FRMD5: variants seen among roughly 807,000 people sequenced by gnomAD.
FRMD5 encodes FERM domain containing 5.
A neutral mutation model predicts 69.0 loss-of-function variants in FRMD5; 20 were observed. That is an observed-to-expected ratio of 0.29 (90% CI 0.20 to 0.42). The LOEUF (loss-of-function observed/expected upper bound fraction) is 0.42, where lower values mean the gene tolerates loss of function less well. Among genes scored for constraint, FRMD5 ranks in the 10% least tolerant of loss-of-function variants. FRMD5 has a pLI of 1.00. For synonymous variants in FRMD5, 271 were observed against 260.1 expected (o/e 1.04, Z -0.40); for missense variants, 595 against 708.6 (o/e 0.84, Z 1.82).
intron 1 of FRMD5, among the ~76,000 whole-genome samples, chr15:44,123,434 T>C (rs540246172): frequency 7.9e-5 from 12 of 152,136 alleles, no homozygotes; most frequent in Non-Finnish European, 1.3e-4. Context: ...TTTTCGTATA[T>C]AAACAAGCTG....
At chr15:44,176,874 T>C (rs2077905036) in intron 1 of FRMD5, among the ~76,000 whole-genome samples, 1 of 151,142 alleles carries the variant, frequency 6.6e-6, no homozygotes, top group Non-Finnish European at 1.5e-5. Flanking sequence ...AAAAGGCACA[T>C]GTATACATAG....
At chr15:44,075,862 T>A (rs1181795801) in intron 1 of FRMD5, among the ~76,000 whole-genome samples, 1 of 152,200 alleles carries the variant, frequency 6.6e-6, no homozygotes, top group Non-Finnish European at 1.5e-5. Context: ...CCATTCTAAC[T>A]GGTGTGAGAT....
chr15:43,973,068 G>T (rs1032508205), intron 1 of FRMD5, among the ~76,000 whole-genome samples: 8 of 152,024 alleles, frequency 5.3e-5, no homozygotes, highest in Non-Finnish European at 8.8e-5. Context: ...TGTCCTCCAG[G>T]CTGGAGTGCA....
Position 43,873,649 on chromosome 15 carries a change from G to A in FRMD5, c.*236C>T. 1.3e-6 allele frequency: 2 copies of A among 1,490,882 alleles called. No homozygotes were observed. The highest frequency in any genetic ancestry group is 1.8e-6 in the Non-Finnish European group (2 of 1,129,608). 92.4% of individuals were successfully genotyped at this position (1,490,882 alleles called of 1,614,324 possible). A position where few individuals can be genotyped will look rare whatever the true frequency, so the allele number is the denominator to read the frequency against. On this transcript the variant is annotated 3_prime_UTR_variant, in exon 14 of 14. Coordinates refer to ENST00000417257, the MANE Select transcript of FRMD5 (RefSeq NM_032892.5). ...TGGAAAGATGAGAAACAGAGTCGCT[G>A]AGCCTTTCTTGAAATAACTTCTGAA...
At chr15:44,109,911 C>T (rs555082114) in intron 1 of FRMD5, among the ~76,000 whole-genome samples, 97 of 152,294 alleles carry the variant, frequency 6.4e-4, no homozygotes, top group African/African-American at 2.2e-3. Context: ...TAGTATACAA[C>T]CTGATTGGTT....
intron 1 of FRMD5, among the ~76,000 whole-genome samples, chr15:44,038,027 G>C (rs1205648139): frequency 2.0e-5 from 3 of 152,158 alleles, no homozygotes; most frequent in Non-Finnish European, 2.9e-5. Context: ...TTGAGGTTTT[G>C]ATTTGCATTT....
At chr15:44,040,992 CAAAAAAAAAAAAAAAAAAA>C (rs71421819) in intron 1 of FRMD5, among the ~76,000 whole-genome samples, 12 of 17,494 alleles carry the variant, frequency 6.9e-4, no homozygotes, top group African/African-American at 1.2e-3. Context: ...AAATGGAAAG[CAAAAAAAAAAAAAAAAAAA>C]AAAAAAAAAA....
rs368756863 is a variant in FRMD5 at position 44,186,206 on chromosome 15, C to T, written c.102+8747G>A. On this transcript the variant is annotated intron_variant, in intron 1 of 13. Coordinates refer to ENST00000417257, the MANE Select transcript of FRMD5 (RefSeq NM_032892.5). ...CCTCCCAAAGTGCTGGGATTACAGG[C>T]GTGAGCCACCGCACCCGGCCTTTCT... Among the ~76,000 whole-genome samples the T allele has an allele frequency of 9.9e-5, 15 of 152,274 alleles. No individual in the cohort carries two copies. In the South Asian group the frequency reaches 1.4e-3, roughly 15 times the overall value.
chr15:43,981,913 A>G (rs1383825518), intron 1 of FRMD5, among the ~76,000 whole-genome samples: 1 of 152,234 alleles, frequency 6.6e-6, no homozygotes, highest in Admixed American at 6.5e-5. Flanking sequence ...CTTTTCTGCC[A>G]TATCTACAAT....
chr15:44,184,987 T>C (rs1039689352), intron 1 of FRMD5, among the ~76,000 whole-genome samples: 2 of 152,208 alleles, frequency 1.3e-5, no homozygotes, highest in Non-Finnish European at 2.9e-5. Context: ...GGGTAATATC[T>C]CCTTACCATA....
At chr15:44,013,836 G>C (rs1017105883) in intron 1 of FRMD5, among the ~76,000 whole-genome samples, 1 of 149,234 alleles carries the variant, frequency 6.7e-6, no homozygotes, top group African/African-American at 2.5e-5. Flanking sequence ...GAGGAGTGAT[G>C]CAAGTATCTG....
chr15:43,875,361 AAAATATATATATATATATAT>A (rs2088306685), intron 13 of FRMD5, among the ~76,000 whole-genome samples: 1 of 104,320 alleles, frequency 9.6e-6, no homozygotes, highest in Admixed American at 1.2e-4. Flanking sequence ...AAAAAAAAAA[AAAATATATATATATATATAT>A]ATATATATAT....
chr15:43,924,914 C>T (rs1257213192), intron 1 of FRMD5, among the ~76,000 whole-genome samples: 5 of 151,996 alleles, frequency 3.3e-5, no homozygotes, highest in Non-Finnish European at 7.4e-5. Flanking sequence ...AAAGGATATA[C>T]TATGAACAGT....
intron 1 of FRMD5, among the ~76,000 whole-genome samples, chr15:43,959,901 C>G (rs1259627534): frequency 6.6e-6 from 1 of 152,128 alleles, no homozygotes; most frequent in Non-Finnish European, 1.5e-5. Context: ...GCTAAATTTT[C>G]TCAGTAAAAT....
intron 1 of FRMD5, among the ~76,000 whole-genome samples, chr15:43,935,552 T>A (rs975934274): frequency 6.6e-6 from 1 of 151,426 alleles, no homozygotes; most frequent in Non-Finnish European, 1.5e-5. Flanking sequence ...GCACTGGGGG[T>A]AGGGTGGGAA....
chr15:44,169,047 G>T (rs2077757104), intron 1 of FRMD5, among the ~76,000 whole-genome samples: 2 of 152,048 alleles, frequency 1.3e-5, no homozygotes, highest in Admixed American at 6.5e-5. Context: ...TTGGTCACAG[G>T]CCCTGATGAA....
intron 1 of FRMD5, among the ~76,000 whole-genome samples, chr15:44,109,020 T>TAAAATA (rs59924689): frequency 2.1e-5 from 3 of 143,138 alleles, no homozygotes; most frequent in Middle Eastern, 3.5e-3. Context: ...TAAAATAAAA[T>TAAAATA]GTTTGCCAAT....
chr15:44,037,809 G>A (rs1456747828), intron 1 of FRMD5, among the ~76,000 whole-genome samples: 2 of 151,882 alleles, frequency 1.3e-5, no homozygotes, highest in Non-Finnish European at 2.9e-5. Context: ...ATAATCCTTT[G>A]GTTATATACC....
At chr15:44,094,674 A>G (rs1221863609) in intron 1 of FRMD5, among the ~76,000 whole-genome samples, 1 of 152,196 alleles carries the variant, frequency 6.6e-6, no homozygotes, top group Non-Finnish European at 1.5e-5. Flanking sequence ...GTTTTGTGTC[A>G]TAATGTAAAC....
Sources: allele counts gnomAD v4.1 joint callset (sites outside exome capture counted in the v4.1 genomes callset), GRCh38; gene constraint gnomAD v4.1.1; transcripts MANE v1.5; gene names NCBI Gene and HGNC (gene_info 2026-07-23, HGNC 2026-07-21).